The following CEP89 variants were observed in gnomAD, a reference collection of about 807,000 sequenced individuals.
CEP89 encodes centrosomal protein 89.
CEP89 carries 95 observed loss-of-function variants against 97.6 expected under a neutral mutation model. The ratio of observed to expected loss-of-function variants is 0.97; its 90% CI spans 0.82 to 1.15. The LOEUF (loss-of-function observed/expected upper bound fraction) is 1.15, where lower values mean the gene tolerates loss of function less well. CEP89 is among the 50% of genes most tolerant of loss of function. The probability of loss-of-function intolerance (pLI) is 0.00; values close to 1 mark genes in which losing one functional copy is unlikely to be tolerated. For synonymous variants in CEP89, 354 were observed against 349.1 expected (o/e 1.01, Z -0.16); for missense variants, 869 against 947.7 (o/e 0.92, Z 1.09).
chr19:32,914,914 C>T (rs1475516161), intron 14 of CEP89, among the ~76,000 whole-genome samples: 6 of 151,830 alleles, frequency 4.0e-5, no homozygotes, highest in Non-Finnish European at 8.8e-5. Flanking sequence ...CCCAGATACT[C>T]AGGAGGCTGA....
Position 32,878,740 on chromosome 19 carries a change from G to A in CEP89, c.*422C>T, listed in dbSNP as rs915346196. 3 of 156,222 alleles carry A rather than the reference G, an allele frequency of 1.9e-5. No homozygotes were observed. The highest frequency in any genetic ancestry group is 3.7e-4 in the East Asian group (2 of 5,388). 9.7% of individuals were successfully genotyped at this position (156,222 alleles called of 1,614,324 possible). A position where few individuals can be genotyped will look rare whatever the true frequency, so the allele number is the denominator to read the frequency against. On this transcript the variant is annotated 3_prime_UTR_variant, in exon 19 of 19. Coordinates refer to ENST00000305768, the MANE Select transcript of CEP89 (RefSeq NM_032816.5). ...TCCCGCACTTTGGGAGGCCAAGGCAGGAGGACAGATTGAGGCCAGGAGTTC... is the reference window on the plus strand; with the variant it reads ...TCCCGCACTTTGGGAGGCCAAGGCAAGAGGACAGATTGAGGCCAGGAGTTC...
chr19:32,903,507 G>A (rs994544879), intron 14 of CEP89, among the ~76,000 whole-genome samples: 17 of 152,190 alleles, frequency 1.1e-4, no homozygotes, highest in Non-Finnish European at 2.5e-4. Context: ...GCATGCTGGG[G>A]ACAGAGACGG....
chr19:32,925,026 GC>G (rs1461257280), intron 11 of CEP89, among the ~76,000 whole-genome samples: 1 of 152,142 alleles, frequency 6.6e-6, no homozygotes, highest in East Asian at 1.9e-4. Context: ...AGAAAATTAA[GC>G]ATCCAACACT....
At chr19:32,904,296 C>T (rs562968841) in intron 14 of CEP89, among the ~76,000 whole-genome samples, 111 of 152,252 alleles carry the variant, frequency 7.3e-4, no homozygotes, top group African/African-American at 2.2e-3. Context: ...TACAGATAAC[C>T]GTGACAGCAG....
chr19:32,909,780 C>T (rs1969960412), intron 14 of CEP89, among the ~76,000 whole-genome samples: 1 of 152,118 alleles, frequency 6.6e-6, no homozygotes, highest in Non-Finnish European at 1.5e-5. Context: ...TCCAGGAGGT[C>T]CAGCCTTAGG....
chr19:32,881,164 A>C (rs746459803), intron 18 of CEP89, among the ~76,000 whole-genome samples: 2 of 152,122 alleles, frequency 1.3e-5, no homozygotes, highest in African/African-American at 2.4e-5. Flanking sequence ...AGTTGGGCAC[A>C]GTGGCTCATG....
rs1328086295 is a variant in CEP89, at chr19:32,923,460, C to T, written c.1247G>A (p.Ser416Asn). The change falls in exon 12 of 19, where the codon AGT (serine) becomes AAT (asparagine). Residue 416 changes from serine to asparagine, a missense_variant. Ser to Asn is a conservative substitution (Grantham distance 46, BLOSUM62 1). Transcript: ENST00000305768. Reference sequence around the variant, plus strand: ...TTGCCATTCCTCACTGGTAACAGCACTACTCTTATTTAACTCTTGGTGCAA... The same window carrying T: ...TTGCCATTCCTCACTGGTAACAGCATTACTCTTATTTAACTCTTGGTGCAA... ...EELHQELNKS[S>N]AVTSEEWRQL... The T allele has an allele frequency of 6.2e-7, 1 of 1,603,948 alleles. No homozygotes were observed. The highest frequency in any genetic ancestry group is 1.1e-5 in the South Asian group (1 of 90,684).
At chr19:32,954,094 C>T (rs1459464006) in intron 3 of CEP89, among the ~76,000 whole-genome samples, 2 of 151,988 alleles carry the variant, frequency 1.3e-5, no homozygotes, top group Admixed American at 6.6e-5. Context: ...ACGGTGGTCT[C>T]GATCTCCTGA....
chr19:32,884,478 T>C (rs1176032834), intron 17 of CEP89, among the ~76,000 whole-genome samples: 1 of 152,216 alleles, frequency 6.6e-6, no homozygotes, highest in Non-Finnish European at 1.5e-5. Flanking sequence ...TTATTTTATG[T>C]TTGGTTGTTT....
chr19:32,964,982 C>T (rs1348422253), intron 2 of CEP89, among the ~76,000 whole-genome samples: 2 of 152,092 alleles, frequency 1.3e-5, no homozygotes, highest in Non-Finnish European at 2.9e-5. Flanking sequence ...CATAGCTCAC[C>T]GCAGCCTTTT....
intron 4 of CEP89, among the ~76,000 whole-genome samples, chr19:32,948,721 G>A (rs915686054): frequency 1.3e-5 from 2 of 151,942 alleles, no homozygotes; most frequent in African/African-American, 2.4e-5. Flanking sequence ...CATGTTACTA[G>A]TTTCCCCCCA....
At chr19:32,900,887 T>C (rs1969751865) in intron 15 of CEP89, among the ~76,000 whole-genome samples, 1 of 131,804 alleles carries the variant, frequency 7.6e-6, no homozygotes, top group African/African-American at 2.9e-5. Context: ...TCTTCATTTG[T>C]CTTTTTTTTT....
At chr19:32,929,807 G>A (rs889641801) in intron 9 of CEP89, among the ~76,000 whole-genome samples, 1 of 152,222 alleles carries the variant, frequency 6.6e-6, no homozygotes. Flanking sequence ...AACTTTATTT[G>A]TTTTTGTTTA....
chr19:32,917,987 T>C (rs936004692), intron 13 of CEP89, among the ~76,000 whole-genome samples: 32 of 152,306 alleles, frequency 2.1e-4, no homozygotes, highest in Non-Finnish European at 4.3e-4. Flanking sequence ...CTAGCACTAT[T>C]ACCTACGAGT....
chr19:32,927,149 CATCCATCCATCCATCT>C (rs994754165), intron 9 of CEP89, among the ~76,000 whole-genome samples, 165 bp from the exon 10 acceptor site: 6 of 151,736 alleles, frequency 4.0e-5, no homozygotes, highest in Non-Finnish European at 7.4e-5. Flanking sequence ...TCCATCCATC[CATCCATCCATCCATCT>C]ATCCATCCAT....
intron 11 of CEP89, among the ~76,000 whole-genome samples, chr19:32,924,402 G>A (rs1364721071): frequency 6.6e-6 from 1 of 152,118 alleles, no homozygotes; most frequent in African/African-American, 2.4e-5. Context: ...TCGCTGGGCC[G>A]GTTTTGATGC....
chr19:32,901,217 G>A lies in CEP89; in HGVS notation c.1733+28C>T, dbSNP rs570043573. 5 of 1,601,370 alleles carry A rather than the reference G, an allele frequency of 3.1e-6. No individual in the cohort carries two copies. The South Asian group carries it at 4.5e-5, about 14-fold the overall frequency. ...TCTTTTTTAACTATTGAAAATAAAA[G>A]CAACTTAAAGGAAAAAAAGACACAA... On this transcript the variant is annotated intron_variant, in intron 15 of 18. Coordinates refer to ENST00000305768, the MANE Select transcript of CEP89 (RefSeq NM_032816.5).
chr19:32,971,822 G>A lies in CEP89; in HGVS notation c.39+14C>T, dbSNP rs1195258643. 2.5e-6 allele frequency: 4 copies of A among 1,589,530 alleles called. No homozygotes were observed. The South Asian group carries it at 3.4e-5, about 14-fold the overall frequency. ...CCACAGAGCCCCACGCGCGGCGGGC[G>A]AGCATCTACTTACGAAATGACTCCT... On this transcript the variant is annotated intron_variant, in intron 1 of 18. Coordinates refer to ENST00000305768, the MANE Select transcript of CEP89 (RefSeq NM_032816.5).
In CEP89 at chr19:32,879,194, A is replaced by T. The variant is rs1190188579; in HGVS notation, c.2320T>A (p.Tyr774Asn). ...DLLDGCDVCSYDLKSHAPTC is the reference protein window; with the variant it reads ...DLLDGCDVCSNDLKSHAPTC ...GTGGGGGCATGAGACTTCAGGTCAT[A>T]GGAGCAGACATCGCAGCCGTCCAGC... Residue 774 changes from tyrosine to asparagine, a missense_variant, in exon 19 of 19, where the codon TAT (tyrosine) becomes AAT (asparagine). Transcript: ENST00000305768. The T allele has an allele frequency of 6.2e-7, 1 of 1,613,702 alleles. No homozygotes were observed. The highest frequency in any genetic ancestry group is 2.2e-5 in the East Asian group (1 of 44,878).
Sources: allele counts gnomAD v4.1 joint callset (sites outside exome capture counted in the v4.1 genomes callset), GRCh38; gene constraint gnomAD v4.1.1; transcripts MANE v1.5; gene names NCBI Gene and HGNC (gene_info 2026-07-23, HGNC 2026-07-21).